IRX4: variants seen among roughly 807,000 people sequenced by gnomAD.
The protein encoded by IRX4 is iroquois-class homeodomain protein IRX-4.
In IRX4, 22 loss-of-function variants were observed where a neutral mutation model predicts 32.0. The ratio of observed to expected loss-of-function variants is 0.69; its 90% CI spans 0.49 to 0.98. IRX4 has a LOEUF of 0.98. Ranked by LOEUF, IRX4 falls within the 50% of genes least tolerant of loss-of-function variation. The probability of loss-of-function intolerance (pLI) is 0.00; values close to 1 mark genes in which losing one functional copy is unlikely to be tolerated. For synonymous variants in IRX4, 379 were observed against 351.7 expected, an observed-to-expected ratio of 1.08 and a Z score of -0.87; for missense variants, 840 against 744.2, an observed-to-expected ratio of 1.13 and a Z score of -1.50.
rs1415875411 is a variant in IRX4, at chr5:1,880,196, C to T, written c.408-364G>A. The T allele has an allele frequency of 1.7e-5, 24 of 1,408,200 alleles. No homozygotes were observed. The East Asian group carries it at 1.7e-4, about 10-fold the overall frequency. The allele number at this position is 1,408,200 out of a possible 1,614,324, so 87.2% of individuals were successfully genotyped here. A position where few individuals can be genotyped will look rare whatever the true frequency, so the allele number is the denominator to read the frequency against. ...TAAGCCCACACCCTGAGATGTAACA[C>T]GTGTGGCAGGAAGGGTCATTACTGC... is the stretch of plus-strand genomic sequence containing the variant. On this transcript the variant is annotated intron_variant, in intron 3 of 4. Transcript: ENST00000231357.
At position 1,878,226 on chromosome 5, in the gene IRX4, G is replaced by C. The variant is rs781000552; in HGVS notation, c.1303C>G (p.Leu435Val). 3.1e-6 allele frequency: 5 copies of C among 1,605,468 alleles called. No individual in the cohort carries two copies. Among genetic ancestry groups the C allele is most frequent in the Non-Finnish European group, 4.2e-6 (5 of 1,177,044 alleles). Residue 435 changes from leucine to valine, a missense_variant, in exon 5 of 5, where the codon CTC (leucine) becomes GTC (valine). Transcript: ENST00000231357. ...DRHQDSPVTS[L>V]RNWVDGVFHD... ...AAGACCCCGTCCACCCAGTTTCTGA[G>C]ACTGGTTACCGGGGAGTCCTGGTGC... is the stretch of plus-strand genomic sequence containing the variant.
upstream of IRX4, among the ~76,000 whole-genome samples, chr5:1,886,125 AC>A (rs1034685754): frequency 6.6e-6 from 1 of 152,202 alleles, no homozygotes; most frequent in Non-Finnish European, 1.5e-5. Context: ...GCCTATTTTG[AC>A]GGGGTTACCG....
chr5:1,882,167 G>A (rs1735472860), intron 1 of IRX4, 108 bp from the exon 2 acceptor site: 1 of 1,330,148 alleles, frequency 7.5e-7, no homozygotes, highest in Non-Finnish European at 1.0e-6. Context: ...GAGTACCCCC[G>A]GGCCTCCCGC....
upstream of IRX4, among the ~76,000 whole-genome samples, chr5:1,885,921 C>T (rs965058860): frequency 7.9e-5 from 12 of 152,264 alleles, no homozygotes; most frequent in African/African-American, 2.9e-4. Context: ...TAGGGACCCC[C>T]GGTACTAAAT....
chr5:1,877,803 C>T lies in IRX4; in HGVS notation c.*166G>A. 1 of 665,806 alleles carries T rather than the reference C, an allele frequency of 1.5e-6. No homozygotes were observed. Among genetic ancestry groups the T allele is most frequent in the Non-Finnish European group, 2.4e-6 (1 of 418,496 alleles). The allele number at this position is 665,806 out of a possible 1,614,324, so 41.2% of individuals were successfully genotyped here. On this transcript the variant is annotated 3_prime_UTR_variant, in exon 5 of 5. Coordinates refer to ENST00000231357, the MANE Select transcript of IRX4 (RefSeq NM_016358.3). ...GGCGGTGGAGGCCCCGGCGTGGCAG[C>T]GCCGGGCTTGTCCATGTTCCCAGGA...
intron 2 of IRX4, among the ~76,000 whole-genome samples, chr5:1,881,449 G>C: frequency 6.6e-6 from 1 of 151,788 alleles, no homozygotes; most frequent in East Asian, 1.9e-4. Context: ...CAGGAAGAGG[G>C]AGGCCAGGAG....
intron 4 of IRX4, 99 bp from the exon 5 acceptor site, chr5:1,878,891 C>A: frequency 7.8e-7 from 1 of 1,278,778 alleles, no homozygotes; most frequent in Middle Eastern, 1.9e-4. Flanking sequence ...CCCGACGCTA[C>A]GAAAAGCACT....
In IRX4 at chr5:1,878,023, G is replaced by T. The variant is rs982920586; in HGVS notation, c.1506C>A (p.Ala502=). ...AVPQDAPAAG[A]ARELLALPKA... is the part of the protein sequence containing the mutation. ...TGGGCAGGGCGAGCAGCTCCCTGGC[G>T]GCGCCTGCAGCTGGGGCGTCCTGGG... The change falls in exon 5 of 5, where the codon GCC becomes GCA. Residue 502 remains alanine (A), a synonymous_variant. Coordinates refer to ENST00000231357, the MANE Select transcript of IRX4 (RefSeq NM_016358.3). The T allele has an allele frequency of 9.3e-5, 140 of 1,507,510 alleles. 1 individual carries two copies. The highest frequency in any genetic ancestry group is 1.2e-4 in the Non-Finnish European group (133 of 1,133,676). The allele number at this position is 1,507,510 out of a possible 1,614,324, so 93.4% of individuals were successfully genotyped here. A position where few individuals can be genotyped will look rare whatever the true frequency, so the allele number is the denominator to read the frequency against.
chr5:1,879,547 C>G lies in IRX4; in HGVS notation c.693G>C (p.Glu231Asp), dbSNP rs573058025. Residue 231 changes from glutamate to aspartate, a missense_variant, in exon 4 of 5, where the codon GAG becomes GAC. Physicochemically the swap from Glu to Asp is conservative, Grantham distance 45. Coordinates refer to ENST00000231357, the MANE Select transcript of IRX4 (RefSeq NM_016358.3). ...YAEGEEEEGGEEEAREEPLKS... is the reference protein window; with the variant it reads ...YAEGEEEEGGDEEAREEPLKS... ...TGAGGGGCTCCTCCCGCGCCTCCTC[C>G]TCGCCCCCCTCCTCCTCCTCGCCCT... 4 of 1,613,238 alleles carry G rather than the reference C, an allele frequency of 2.5e-6. No individual in the cohort carries two copies. Among genetic ancestry groups the G allele is most frequent in the South Asian group, 1.1e-5 (1 of 91,072 alleles).
At chr5:1,879,901 G>A (rs1280686712) in intron 3 of IRX4, 69 bp from the exon 4 acceptor site, 3 of 1,595,190 alleles carry the variant, frequency 1.9e-6, no homozygotes, top group Middle Eastern at 1.7e-4. Flanking sequence ...GCATAGGGGT[G>A]GGGGTCGGCC....
At position 1,878,137 on chromosome 5, in the gene IRX4, G is replaced by T; in HGVS notation, c.1392C>A (p.Leu464=). ...NQAWATAKGA[L]LDPGPLGRSL... is the part of the protein sequence containing the mutation. Reference sequence around the variant, plus strand: ...AGCGTCCCAGAGGCCCGGGGTCCAGGAGGGCGCCCTTGGCGGTGGCCCAGG... The same window carrying T: ...AGCGTCCCAGAGGCCCGGGGTCCAGTAGGGCGCCCTTGGCGGTGGCCCAGG... Residue 464 remains leucine, a synonymous_variant, in exon 5 of 5, where the codon CTC becomes CTA. Coordinates refer to ENST00000231357, the MANE Select transcript of IRX4 (RefSeq NM_016358.3). 1 of 1,553,768 alleles carries T rather than the reference G, an allele frequency of 6.4e-7. No homozygotes were observed.
At chr5:1,883,173 G>A (rs948459738), upstream of IRX4, among the ~76,000 whole-genome samples, 2 of 152,178 alleles carry the variant, frequency 1.3e-5, no homozygotes, top group Non-Finnish European at 2.9e-5. Context: ...CCAGCGAACG[G>A]TGTTTCTCTT....
intron 3 of IRX4, 21 bp from the exon 4 acceptor site, chr5:1,879,853 G>C: frequency 6.2e-7 from 1 of 1,612,650 alleles, no homozygotes; most frequent in African/African-American, 1.3e-5. Flanking sequence ...GCTCTGCAAT[G>C]GGCTCAGGCT....
upstream of IRX4, among the ~76,000 whole-genome samples, chr5:1,885,484 G>T (rs1735599814): frequency 1.3e-5 from 2 of 152,024 alleles, no homozygotes; most frequent in Non-Finnish European, 1.5e-5. Context: ...CCAGGCCGCC[G>T]CACACACACG....
In IRX4 at chr5:1,878,609, GACA is replaced by G. The variant is rs1735303168; in HGVS notation, c.917_919del (p.Met306_Ser307delinsThr). On this transcript the variant is annotated inframe_deletion, in exon 5 of 5. Transcript: ENST00000231357. ...AGCAGCTCCGCCACCCGCGGCCAGA[GACA>G]TCCGGAGCGCGCCTGAGGCCTCCTT... 9.6e-6 allele frequency: 15 copies of G among 1,563,572 alleles called. No individual in the cohort carries two copies. The highest frequency in any genetic ancestry group is 1.2e-5 in the Non-Finnish European group (14 of 1,155,186).
At position 1,877,648 on chromosome 5, in the gene IRX4, A is replaced by T. The variant is rs1735242897; in HGVS notation, c.*321T>A. The T allele has an allele frequency of 2.8e-6, 1 of 360,670 alleles. No individual in the cohort carries two copies. 22.3% of individuals were successfully genotyped at this position (360,670 alleles called of 1,614,324 possible). A position where few individuals can be genotyped will look rare whatever the true frequency, so the allele number is the denominator to read the frequency against. On this transcript the variant is annotated 3_prime_UTR_variant, in exon 5 of 5. Transcript: ENST00000231357. ...CAGGGGACAGCAGACCACGCTTCAG[A>T]ACGGAACCGCCTTCTCCATGTAAAC... is the stretch of plus-strand genomic sequence containing the variant.
chr5:1,879,984 C>T, intron 3 of IRX4, 152 bp from the exon 4 acceptor site: 1 of 1,499,530 alleles, frequency 6.7e-7, no homozygotes, highest in Admixed American at 2.0e-5. Flanking sequence ...CAGGTAGGAC[C>T]CGAGCCCCAA....
intron 2 of IRX4, chr5:1,881,077 G>GGGGGGGGGGGGGGGGGGGGGGGCCCCC: frequency 3.0e-6 from 1 of 337,068 alleles, no homozygotes; most frequent in East Asian, 8.4e-5. Context: ...GGGCGGGGGG[G>GGGGGGGGGGGGGGGGGGGGGGGCCCCC]AGGAGGTGCA....
In IRX4 at chr5:1,881,111, T is replaced by C. The variant is rs1403134969; in HGVS notation, c.298-277A>G. ...CAGTGTGGGGAGCGGGGATGTGGAG[T>C]AGGAGGAAGTTGGAGGGAAGCCAGA... On this transcript the variant is annotated intron_variant, in intron 2 of 4. Transcript: ENST00000231357. 95 of 391,408 alleles carry C rather than the reference T, an allele frequency of 2.4e-4. No homozygotes were observed. The African/African-American group carries it at 2.9e-3, about 12-fold the overall frequency. 24.2% of individuals were successfully genotyped at this position (391,408 alleles called of 1,614,324 possible). A position where few individuals can be genotyped will look rare whatever the true frequency, so the allele number is the denominator to read the frequency against.
Sources: allele counts gnomAD v4.1 joint callset (sites outside exome capture counted in the v4.1 genomes callset), GRCh38; gene constraint gnomAD v4.1.1; transcripts MANE v1.5; gene names NCBI Gene and HGNC (gene_info 2026-07-23, HGNC 2026-07-21).